The following DIP2B variants were observed in gnomAD, a reference collection of about 807,000 sequenced individuals.
DIP2B encodes DIP2 acetate--CoA ligase B (putative), also known as disco-interacting protein 2 homolog B.
A neutral mutation model predicts 198.0 loss-of-function variants in DIP2B; 76 were observed. That is an observed-to-expected ratio of 0.38 (90% CI 0.32 to 0.46). The LOEUF is 0.46. Among genes scored for constraint, DIP2B ranks in the 20% least tolerant of loss-of-function variants. The pLI is 0.99. For missense variants in DIP2B, 1,559 were observed against 1,978.4 expected, an observed-to-expected ratio of 0.79 and a Z score of 4.02; for synonymous variants, 701 against 739.1, an observed-to-expected ratio of 0.95 and a Z score of 0.84.
chr12:50,594,674 G>T (rs1285588350), intron 1 of DIP2B, among the ~76,000 whole-genome samples: 1 of 152,088 alleles, frequency 6.6e-6, no homozygotes. Context: ...TATTAATTGA[G>T]AGTTCAACAT....
intron 4 of DIP2B, among the ~76,000 whole-genome samples, chr12:50,665,816 C>A (rs2139517939): frequency 6.6e-6 from 1 of 151,794 alleles, no homozygotes; most frequent in Non-Finnish European, 1.5e-5. Flanking sequence ...AATAGATACT[C>A]ACGTGTATGC....
At chr12:50,703,386 C>T (rs1220561702) in intron 19 of DIP2B, among the ~76,000 whole-genome samples, 7 of 151,834 alleles carry the variant, frequency 4.6e-5, no homozygotes, top group East Asian at 3.9e-4. Context: ...TAAATGGATA[C>T]GACAGTTTTA....
intron 1 of DIP2B, among the ~76,000 whole-genome samples, chr12:50,515,543 G>C (rs1332351855): frequency 6.6e-6 from 1 of 152,108 alleles, no homozygotes. Context: ...CTGTGGACTG[G>C]TATCTTTATG....
chr12:50,691,273 A>C lies in DIP2B; in HGVS notation c.1654+122A>C. ...TTCAGAGTGAAATGTCCCAAGACACATTCTTGGCTTGCTTTTGTTTTCTTC... is the reference window on the plus strand; with the variant it reads ...TTCAGAGTGAAATGTCCCAAGACACCTTCTTGGCTTGCTTTTGTTTTCTTC... On this transcript the variant is annotated intron_variant, in intron 13 of 37. Coordinates refer to ENST00000301180, the MANE Select transcript of DIP2B (RefSeq NM_173602.3). The C allele has an allele frequency of 3.4e-6, 3 of 885,552 alleles. No individual in the cohort carries two copies. The South Asian group carries it at 5.5e-5, about 16-fold the overall frequency. The allele number at this position is 885,552 out of a possible 1,614,324, so 54.9% of individuals were successfully genotyped here.
At position 50,724,779 on chromosome 12, in the gene DIP2B, G is replaced by C; in HGVS notation, c.3293G>C (p.Ser1098Thr). The change falls in exon 28 of 38, where the codon AGC (serine) becomes ACC (threonine). Residue 1098 changes from serine to threonine, a missense_variant. Coordinates refer to ENST00000301180, the MANE Select transcript of DIP2B (RefSeq NM_173602.3). Reference protein sequence around the residue: ...LPTVRMIVDVSKAACILTSQT... With the variant: ...LPTVRMIVDVTKAACILTSQT... ...TGCTGTCCATTTGTTTTCTAGGTCAGCAAAGCAGCCTGTATTCTCACCAGT... is the reference window on the plus strand; with the variant it reads ...TGCTGTCCATTTGTTTTCTAGGTCACCAAAGCAGCCTGTATTCTCACCAGT... 2 of 1,614,030 alleles carry C rather than the reference G, an allele frequency of 1.2e-6. No homozygotes were observed. Among genetic ancestry groups the C allele is most frequent in the Middle Eastern group, 1.7e-4 (1 of 6,030 alleles).
chr12:50,747,344 C>A lies in DIP2B; in HGVS notation c.*2505C>A, dbSNP rs1174029602. On this transcript the variant is annotated 3_prime_UTR_variant, in exon 38 of 38. Coordinates refer to ENST00000301180, the MANE Select transcript of DIP2B (RefSeq NM_173602.3). ...TTATCTAGTTTTGTAGTTCCTCAGG[C>A]CTCTAATTTATTTTTTGCTTTCTGC... 6.6e-6 allele frequency: 1 copy of A among 152,154 alleles called. No individual in the cohort carries two copies. Among genetic ancestry groups the A allele is most frequent in the African/African-American group, 2.4e-5 (1 of 41,430 alleles). The allele number at this position is 152,154 out of a possible 1,614,324, so 9.4% of individuals were successfully genotyped here.
chr12:50,727,175 C>T (rs1208140947), intron 28 of DIP2B, among the ~76,000 whole-genome samples: 1 of 152,106 alleles, frequency 6.6e-6, no homozygotes, highest in Non-Finnish European at 1.5e-5. Context: ...CTTTTAAATC[C>T]ATACATGATT....
intron 3 of DIP2B, among the ~76,000 whole-genome samples, chr12:50,644,638 T>C (rs991320956): frequency 3.9e-5 from 6 of 152,242 alleles, no homozygotes; most frequent in Non-Finnish European, 8.8e-5. Flanking sequence ...TTCTAATAGA[T>C]AACTGAACAT....
chr12:50,629,916 G>GT (rs1938010996), intron 2 of DIP2B, among the ~76,000 whole-genome samples: 1 of 141,376 alleles, frequency 7.1e-6, no homozygotes, highest in Admixed American at 7.0e-5. Context: ...TCAGTTTTCT[G>GT]TTTCTTCTTG....
chr12:50,530,099 C>T (rs544082822), intron 1 of DIP2B, among the ~76,000 whole-genome samples: 10 of 152,002 alleles, frequency 6.6e-5, no homozygotes, highest in African/African-American at 9.6e-5. Context: ...TTTTTTGAGA[C>T]AGGGTCTCTC....
At chr12:50,638,681 T>C (rs545131275) in intron 2 of DIP2B, among the ~76,000 whole-genome samples, 2 of 152,134 alleles carry the variant, frequency 1.3e-5, no homozygotes, top group Non-Finnish European at 2.9e-5. Flanking sequence ...TGTGAAACCA[T>C]GGTCAGGGAA....
chr12:50,552,982 T>C (rs963807468), intron 1 of DIP2B, among the ~76,000 whole-genome samples: 2 of 151,912 alleles, frequency 1.3e-5, no homozygotes, highest in Admixed American at 6.6e-5. Context: ...ACTACAGGTG[T>C]GCGCCACCAT....
intron 1 of DIP2B, among the ~76,000 whole-genome samples, chr12:50,568,487 A>G (rs1958585295): frequency 6.6e-6 from 1 of 152,222 alleles, no homozygotes; most frequent in Non-Finnish European, 1.5e-5. Context: ...TGAGCAGTAT[A>G]CGGGAATTTC....
chr12:50,677,475 C>T (rs7132443), intron 7 of DIP2B, among the ~76,000 whole-genome samples: 10,671 of 151,844 alleles, frequency 0.07, 746 homozygotes, highest in East Asian at 0.32. Flanking sequence ...ATTAGCCAGG[C>T]GTGGTGGCGG....
intron 20 of DIP2B, among the ~76,000 whole-genome samples, chr12:50,704,469 T>C (rs1373461785): frequency 6.6e-6 from 1 of 152,226 alleles, no homozygotes; most frequent in African/African-American, 2.4e-5. Context: ...TCAGAAGACA[T>C]GATGAGACTT....
At chr12:50,698,514 C>A in intron 18 of DIP2B, 47 bp downstream of exon 18, 1 of 1,591,378 alleles carries the variant, frequency 6.3e-7, no homozygotes, top group South Asian at 1.1e-5. Flanking sequence ...GATTTGTCAT[C>A]AGAGATAATA....
chr12:50,663,355 G>A (rs1286170882), intron 4 of DIP2B, among the ~76,000 whole-genome samples: 2 of 150,854 alleles, frequency 1.3e-5, no homozygotes, highest in African/African-American at 4.9e-5. Flanking sequence ...TCAGGAGATC[G>A]AGACCATCCT....
chr12:50,718,993 G>C lies in DIP2B; in HGVS notation c.3000G>C (p.Gln1000His), dbSNP rs752543251. 1.2e-6 allele frequency: 2 copies of C among 1,614,150 alleles called. No homozygotes were observed. The highest frequency in any genetic ancestry group is 8.5e-7 in the Non-Finnish European group (1 of 1,180,016). The part of the protein sequence containing the change: ...FLAEILQWRA[Q>H]ATPDHVLFML... Reference sequence around the variant, plus strand: ...CAGAGATCCTACAGTGGCGAGCCCAGGCGACTCCTGACCATGTACTCTTCA... The same window carrying C: ...CAGAGATCCTACAGTGGCGAGCCCACGCGACTCCTGACCATGTACTCTTCA... Residue 1000 changes from glutamine (Q) to histidine (H), a missense_variant, in exon 25 of 38, where the codon CAG (glutamine) becomes CAC (histidine). Gln to His is a conservative substitution (Grantham distance 24, BLOSUM62 0). Transcript: ENST00000301180.
chr12:50,550,656 T>A (rs1170135290), intron 1 of DIP2B, among the ~76,000 whole-genome samples: 1 of 152,116 alleles, frequency 6.6e-6, no homozygotes, highest in Non-Finnish European at 1.5e-5. Flanking sequence ...AGGGAGTGGT[T>A]TCTTAGTCAG....
Sources: gnomAD v4.1 joint callset for allele counts (sites outside exome capture counted in the v4.1 genomes callset) on GRCh38, gnomAD v4.1.1 for gene constraint, MANE v1.5 for transcripts, NCBI Gene and HGNC (gene_info 2026-07-23, HGNC 2026-07-21) for gene names.